PHACTR3: variants seen among roughly 807,000 people sequenced by gnomAD.
The protein encoded by PHACTR3 is protein phosphatase 1, regulatory subunit 123.
A neutral mutation model predicts 66.8 loss-of-function variants in PHACTR3; 16 were observed. The observed-to-expected ratio is 0.24, with a 90% confidence interval of 0.16 to 0.36. PHACTR3 has a LOEUF of 0.36. Ranked by LOEUF, PHACTR3 falls within the 10% of genes least tolerant of loss-of-function variation. PHACTR3 has a pLI of 1.00. For synonymous variants in PHACTR3, 323 were observed against 292.1 expected (o/e 1.11, Z -1.08); for missense variants, 647 against 719.9 (o/e 0.90, Z 1.16).
At chr20:59,783,318 C>T (rs901984662) in intron 7 of PHACTR3, among the ~76,000 whole-genome samples, 5 of 152,272 alleles carry the variant, frequency 3.3e-5, no homozygotes, top group South Asian at 2.1e-4. Flanking sequence ...CGTCTTGCAG[C>T]GGAGGCAGGT....
At chr20:59,596,751 C>T (rs992545905) in intron 1 of PHACTR3, among the ~76,000 whole-genome samples, 4 of 152,196 alleles carry the variant, frequency 2.6e-5, no homozygotes, top group Non-Finnish European at 4.4e-5. Flanking sequence ...CTCAGCAGGG[C>T]GGTGGTGTAT....
chr20:59,605,455 G>GCCGCCT (rs968422557), intron 1 of PHACTR3, among the ~76,000 whole-genome samples: 7 of 152,216 alleles, frequency 4.6e-5, no homozygotes, highest in African/African-American at 1.7e-4. Context: ...CAGACCCGTG[G>GCCGCCT]CCGCCTCCGC....
At chr20:59,635,131 CTTTCTTTCTTTCTTTCTT>C (rs2034812230) in intron 1 of PHACTR3, among the ~76,000 whole-genome samples, 7 of 70,188 alleles carry the variant, frequency 1.0e-4, no homozygotes, top group South Asian at 5.2e-4. Context: ...TTCTTTCTTT[CTTTCTTTCTTTCTTTCTT>C]TTTCTTTCTT....
intron 7 of PHACTR3, among the ~76,000 whole-genome samples, chr20:59,784,381 A>G (rs1568818931): frequency 6.6e-6 from 1 of 152,046 alleles, no homozygotes. Flanking sequence ...ATGCATATGT[A>G]TATGTGTGTG....
rs76833383 is a variant in PHACTR3 at position 59,668,870 on chromosome 20, T to TTTTTATTTTATTTTATTTTATTTTA, written c.118+63763_118+63787dup. ...TGCCCGTCACCACACACAGCTAATT[T>TTTTTATTTTATTTTATTTTATTTTA]TTTTATTTTATTTTATTTTATTTTA... On this transcript the variant is annotated intron_variant, in intron 1 of 12. Transcript: ENST00000371015. Among the ~76,000 whole-genome samples, 745 of 138,670 alleles carry TTTTTATTTTATTTTATTTTATTTTA rather than the reference T, an allele frequency of 5.4e-3. 5 individuals carry two copies. The highest frequency in any genetic ancestry group is 0.028 in the East Asian group (130 of 4,708). 91.0% of individuals were successfully genotyped at this position (138,670 alleles called of 152,430 possible).
Position 59,636,314 on chromosome 20 carries a change from A to G in PHACTR3, c.118+31182A>G, listed in dbSNP as rs564692883. Among the ~76,000 whole-genome samples, 9 of 152,280 alleles carry G rather than the reference A, an allele frequency of 5.9e-5. No homozygotes were observed. In the East Asian group the frequency reaches 1.3e-3, roughly 23 times the overall value. On this transcript the variant is annotated intron_variant, in intron 1 of 12. Coordinates refer to ENST00000371015, the MANE Select transcript of PHACTR3 (RefSeq NM_080672.5). ...CAGACTTTGATAGCACTTTGATTCA[A>G]TGAGGGCCTACTATGAGCTTTGCAG...
At chr20:59,685,063 C>T (rs562859684) in intron 1 of PHACTR3, among the ~76,000 whole-genome samples, 3 of 152,196 alleles carry the variant, frequency 2.0e-5, no homozygotes, top group Admixed American at 2.0e-4. Flanking sequence ...GGCTCCAGGG[C>T]CCCCTCTTTC....
chr20:59,624,814 CTT>C (rs1351244441), intron 1 of PHACTR3, among the ~76,000 whole-genome samples: 1 of 152,202 alleles, frequency 6.6e-6, no homozygotes, highest in African/African-American at 2.4e-5. Flanking sequence ...AGTACAAAGA[CTT>C]TATGTAAACC....
chr20:59,652,171 C>A (rs957809843), intron 1 of PHACTR3, among the ~76,000 whole-genome samples: 2 of 152,124 alleles, frequency 1.3e-5, no homozygotes, highest in African/African-American at 2.4e-5. Flanking sequence ...TTGTTCTATT[C>A]AGGCCTCTAT....
intron 1 of PHACTR3, among the ~76,000 whole-genome samples, chr20:59,704,517 A>T: frequency 7.0e-6 from 1 of 143,778 alleles, no homozygotes; most frequent in African/African-American, 2.6e-5. Context: ...TAGCTTCCTG[A>T]TCATTCTGGG....
intron 1 of PHACTR3, among the ~76,000 whole-genome samples, chr20:59,658,423 A>C (rs1211775494): frequency 1.3e-5 from 2 of 151,554 alleles, no homozygotes; most frequent in African/African-American, 2.4e-5. Context: ...ATATTTTAGC[A>C]ACTCTGGATA....
chr20:59,635,135 CTTTCTTTCTTTCTT>C (rs1568948741), intron 1 of PHACTR3, among the ~76,000 whole-genome samples: 8 of 68,240 alleles, frequency 1.2e-4, no homozygotes, highest in East Asian at 6.8e-4. Context: ...TTCTTTCTTT[CTTTCTTTCTTTCTT>C]TTTCTTTCTT....
rs538229356 is a variant in PHACTR3, at chr20:59,740,729, C to T, written c.119-2378C>T. ...AGGGGCCGGGTGGCTTACTCAAAGG[C>T]CCTGGGTTAGAGACAGGTGCAGCCC... On this transcript the variant is annotated intron_variant, in intron 1 of 12. Transcript: ENST00000371015. Among the ~76,000 whole-genome samples, 5 of 152,314 alleles carry T rather than the reference C, an allele frequency of 3.3e-5. No individual in the cohort carries two copies. The East Asian group carries it at 9.6e-4, about 29-fold the overall frequency.
chr20:59,757,449 G>A lies in PHACTR3; in HGVS notation c.541+2085G>A, dbSNP rs368509051. ...AGTGGGAATCAGCTGGGCAGAGAGC[G>A]AGGTGCAGAGCATCCCAGAAAGGGG... On this transcript the variant is annotated intron_variant, in intron 4 of 12. Transcript: ENST00000371015. 4.6e-5 allele frequency among the ~76,000 whole-genome samples: 7 copies of A among 152,370 alleles called. No individual in the cohort carries two copies. In the East Asian group the frequency reaches 7.7e-4, roughly 17 times the overall value.
chr20:59,656,456 C>T (rs1442695096), intron 1 of PHACTR3, among the ~76,000 whole-genome samples: 2 of 151,834 alleles, frequency 1.3e-5, no homozygotes, highest in East Asian at 3.9e-4. Flanking sequence ...TTGGAATAGC[C>T]ACTCTAGCTT....
intron 1 of PHACTR3, among the ~76,000 whole-genome samples, chr20:59,700,052 A>G (rs958649032): frequency 6.6e-6 from 1 of 152,240 alleles, no homozygotes; most frequent in Non-Finnish European, 1.5e-5. Flanking sequence ...TGAGGCAACC[A>G]CTGTTACAAG....
At chr20:59,785,874 CTACTTCATTTTGTT>C (rs376315095) in intron 7 of PHACTR3, among the ~76,000 whole-genome samples, 112,287 of 138,830 alleles carry the variant, frequency 0.81, 46,973 homozygotes, top group Non-Finnish European at 0.94. Flanking sequence ...TCTGCATCCC[CTACTTCATTTTGTT>C]TTCCAACGGC....
chr20:59,663,762 C>T (rs910983971), intron 1 of PHACTR3, among the ~76,000 whole-genome samples: 25 of 152,164 alleles, frequency 1.6e-4, no homozygotes, highest in African/African-American at 5.1e-4. Context: ...GGGTTCTGGG[C>T]TTCTCTGAGC....
intron 1 of PHACTR3, among the ~76,000 whole-genome samples, chr20:59,640,820 C>A (rs967364601): frequency 6.6e-6 from 1 of 152,178 alleles, no homozygotes; most frequent in African/African-American, 2.4e-5. Context: ...ATACCATTAT[C>A]ATTGCAAAAG....
Sources: gnomAD v4.1 joint callset for allele counts (sites outside exome capture counted in the v4.1 genomes callset) on GRCh38, gnomAD v4.1.1 for gene constraint, MANE v1.5 for transcripts, NCBI Gene and HGNC (gene_info 2026-07-23, HGNC 2026-07-21) for gene names.